LRRC4C: variants seen among roughly 807,000 people sequenced by gnomAD.
The protein encoded by LRRC4C is leucine-rich repeat-containing protein 4C.
Under a neutral mutation model 33.6 loss-of-function variants are expected in LRRC4C, and 5 were observed. The observed-to-expected ratio is 0.15, with a 90% CI of 0.08 to 0.31. The LOEUF is 0.31. Ranked by LOEUF, LRRC4C falls within the 10% of genes least tolerant of loss-of-function variation. LRRC4C has a pLI of 1.00. For missense variants in LRRC4C, 560 were observed against 796.7 expected, an observed-to-expected ratio of 0.70 and a Z score of 3.58; for synonymous variants, 329 against 302.0, an observed-to-expected ratio of 1.09 and a Z score of -0.93.
At chr11:40,716,551 G>C (rs1448924035) in intron 2 of LRRC4C, among the ~76,000 whole-genome samples, 1 of 152,072 alleles carries the variant, frequency 6.6e-6, no homozygotes, top group African/African-American at 2.4e-5. Context: ...AGGGAAGTTG[G>C]AGGTATGTCA....
chr11:40,732,036 A>T (rs2136793906), intron 2 of LRRC4C, among the ~76,000 whole-genome samples: 1 of 143,156 alleles, frequency 7.0e-6, no homozygotes, highest in South Asian at 2.2e-4. Flanking sequence ...TGGGAAGTAA[A>T]GTAGTAATAT....
intron 1 of LRRC4C, among the ~76,000 whole-genome samples, chr11:40,978,381 C>T (rs1180635002): frequency 6.6e-6 from 1 of 152,142 alleles, no homozygotes; most frequent in Non-Finnish European, 1.5e-5. Flanking sequence ...TGGTTCTTAA[C>T]TGGAAGGAAA....
intron 1 of LRRC4C, among the ~76,000 whole-genome samples, chr11:41,384,991 C>T (rs1009263893): frequency 1.3e-5 from 2 of 150,074 alleles, no homozygotes; most frequent in Non-Finnish European, 3.0e-5. Context: ...AAACATATCT[C>T]AAGGTAAAAA....
chr11:41,210,972 G>A (rs991429253), intron 1 of LRRC4C, among the ~76,000 whole-genome samples: 1 of 152,102 alleles, frequency 6.6e-6, no homozygotes, highest in African/African-American at 2.4e-5. Context: ...TTCACAGTAC[G>A]GTTGGCCCTC....
chr11:40,468,700 A>AC (rs1952775848), intron 3 of LRRC4C, among the ~76,000 whole-genome samples: 1 of 152,256 alleles, frequency 6.6e-6, no homozygotes, highest in East Asian at 1.9e-4. Flanking sequence ...ATATAAATGC[A>AC]CCTGTCTAAT....
rs186164743 is a variant in LRRC4C at position 40,695,526 on chromosome 11, T to G, written c.-406-47248A>C. Among the ~76,000 whole-genome samples the G allele has an allele frequency of 1.4e-3, 220 of 152,266 alleles. 1 individual carries two copies. Among genetic ancestry groups the G allele is most frequent in the Admixed American group, 3.5e-3 (53 of 15,276 alleles). On this transcript the variant is annotated intron_variant, in intron 2 of 6. Transcript: ENST00000528697. ...AATGTAACAAATTACCAAAACATAGTAAGTTAACACAACACAAAGTTATTA... is the reference window on the plus strand; with the variant it reads ...AATGTAACAAATTACCAAAACATAGGAAGTTAACACAACACAAAGTTATTA...
At chr11:40,628,763 A>G (rs1963202231) in intron 3 of LRRC4C, among the ~76,000 whole-genome samples, 1 of 152,204 alleles carries the variant, frequency 6.6e-6, no homozygotes, top group Non-Finnish European at 1.5e-5. Context: ...GCCACTTTCC[A>G]GATTTTTAAT....
chr11:40,598,328 G>A (rs1421912334), intron 3 of LRRC4C, among the ~76,000 whole-genome samples: 1 of 152,092 alleles, frequency 6.6e-6, no homozygotes, highest in East Asian at 1.9e-4. Flanking sequence ...TCTGTTCCTA[G>A]AACAGAAAAT....
At chr11:40,965,671 A>C (rs1044116108) in intron 1 of LRRC4C, among the ~76,000 whole-genome samples, 1 of 152,142 alleles carries the variant, frequency 6.6e-6, no homozygotes, top group Non-Finnish European at 1.5e-5. Flanking sequence ...CAAAGATCAG[A>C]TAGGTGTAGA....
At chr11:40,994,348 C>T (rs963641937) in intron 1 of LRRC4C, among the ~76,000 whole-genome samples, 9 of 152,108 alleles carry the variant, frequency 5.9e-5, no homozygotes, top group Non-Finnish European at 1.3e-4. Context: ...ATTCCCCTGA[C>T]GGAGAGTTGG....
intron 1 of LRRC4C, among the ~76,000 whole-genome samples, chr11:41,068,477 T>G (rs935776261): frequency 6.6e-6 from 1 of 151,666 alleles, no homozygotes; most frequent in African/African-American, 2.4e-5. Context: ...TATCACTAAC[T>G]AGACTAATAA....
At chr11:41,066,149 C>T (rs1293274166) in intron 1 of LRRC4C, among the ~76,000 whole-genome samples, 1 of 151,994 alleles carries the variant, frequency 6.6e-6, no homozygotes, top group Non-Finnish European at 1.5e-5. Flanking sequence ...TAACCCAATG[C>T]AAAGAAGCTA....
chr11:40,460,661 T>G (rs771999779), intron 3 of LRRC4C, among the ~76,000 whole-genome samples: 8 of 152,188 alleles, frequency 5.3e-5, no homozygotes, highest in Non-Finnish European at 1.0e-4. Flanking sequence ...TTTCATAATT[T>G]TTGAAGGATG....
At position 40,682,782 on chromosome 11, in the gene LRRC4C, T is replaced by TAAAAG. The variant is rs1196912071; in HGVS notation, c.-406-34505_-406-34504insCTTTT. On this transcript the variant is annotated intron_variant, in intron 2 of 6. Coordinates refer to ENST00000528697, the MANE Select transcript of LRRC4C (RefSeq NM_001258419.2). Reference sequence around the variant, plus strand: ...TAAATAAATAAATAAATAAATAAAATAAAGATATCTCTGTTTATACACTCT... The same window carrying TAAAAG: ...TAAATAAATAAATAAATAAATAAAATAAAAGAAAGATATCTCTGTTTATACACTCT... Among the ~76,000 whole-genome samples the TAAAAG allele has an allele frequency of 7.4e-3, 656 of 88,062 alleles. 2 individuals are homozygous for TAAAAG. The highest frequency in any genetic ancestry group is 0.013 in the Non-Finnish European group (462 of 34,754). The allele number at this position is 88,062 out of a possible 152,430, so 57.8% of individuals were successfully genotyped here.
At chr11:41,272,729 A>G (rs1949360817) in intron 1 of LRRC4C, among the ~76,000 whole-genome samples, 1 of 152,218 alleles carries the variant, frequency 6.6e-6, no homozygotes, top group Admixed American at 6.6e-5. Context: ...TCTTTCAAAA[A>G]AGAAGGTATG....
At chr11:40,282,321 G>A (rs1166859237) in intron 4 of LRRC4C, among the ~76,000 whole-genome samples, 3 of 152,012 alleles carry the variant, frequency 2.0e-5, no homozygotes, top group Non-Finnish European at 4.4e-5. Context: ...CTCCAGCCTG[G>A]GTGACAGAGT....
At chr11:40,976,594 A>G (rs963293489) in intron 1 of LRRC4C, among the ~76,000 whole-genome samples, 12 of 152,222 alleles carry the variant, frequency 7.9e-5, no homozygotes, top group African/African-American at 2.9e-4. Flanking sequence ...ATACTTTTTC[A>G]AAATCCAATT....
intron 1 of LRRC4C, among the ~76,000 whole-genome samples, chr11:41,195,112 G>A (rs909431487): frequency 1.3e-5 from 2 of 151,618 alleles, no homozygotes; most frequent in Non-Finnish European, 2.9e-5. Flanking sequence ...TTTCTCTTTT[G>A]CTCCCCTGTA....
At chr11:40,651,722 T>G (rs535880974) in intron 2 of LRRC4C, among the ~76,000 whole-genome samples, 2 of 151,700 alleles carry the variant, frequency 1.3e-5, no homozygotes, top group East Asian at 4.4e-4. Context: ...TGTAAATAAC[T>G]GCTAGAAATG....
Sources: allele counts gnomAD v4.1 joint callset (sites outside exome capture counted in the v4.1 genomes callset), GRCh38; gene constraint gnomAD v4.1.1; transcripts MANE v1.5; gene names NCBI Gene and HGNC (gene_info 2026-07-23, HGNC 2026-07-21).